The following GLT8D2 variants were observed in gnomAD, a reference collection of about 807,000 sequenced individuals.
GLT8D2 encodes glycosyltransferase 8 domain containing 2.
In GLT8D2, 45 loss-of-function variants were observed where a neutral mutation model predicts 44.5. That is an observed-to-expected ratio of 1.01 (90% CI 0.80 to 1.30). The LOEUF (loss-of-function observed/expected upper bound fraction) is 1.30. Among genes scored for constraint, GLT8D2 ranks in the 50% most tolerant of loss-of-function variants. The probability of loss-of-function intolerance (pLI) is 0.00; values close to 1 mark genes in which losing one functional copy is unlikely to be tolerated. For synonymous variants in GLT8D2, 156 were observed against 157.2 expected, an observed-to-expected ratio of 0.99 and a Z score of 0.06; for missense variants, 400 against 430.4, an observed-to-expected ratio of 0.93 and a Z score of 0.62.
chr12:104,025,067 CAAAAAAAA>C (rs34885430), intron 1 of GLT8D2, among the ~76,000 whole-genome samples: 7 of 67,204 alleles, frequency 1.0e-4, no homozygotes, highest in Admixed American at 3.2e-4. Context: ...GAGACTTTGT[CAAAAAAAA>C]AAAAAAAAAA....
intron 1 of GLT8D2, among the ~76,000 whole-genome samples, chr12:104,057,868 A>G (rs1385765282): frequency 6.6e-6 from 1 of 151,782 alleles, no homozygotes; most frequent in Non-Finnish European, 1.5e-5. Flanking sequence ...TCAGCACTAG[A>G]TGGTGCTGAA....
rs556930573 is a variant in GLT8D2 at position 103,996,678 on chromosome 12, G to A, written c.600+57C>T. Reference sequence around the variant, plus strand: ...CACTCATTTTGACTTGCAGAGGGGGGAGAAGGGGCCAGAGTTGTAGAGTGA... The same window carrying A: ...CACTCATTTTGACTTGCAGAGGGGGAAGAAGGGGCCAGAGTTGTAGAGTGA... On this transcript the variant is annotated intron_variant, in intron 8 of 10. Coordinates refer to ENST00000360814, the MANE Select transcript of GLT8D2 (RefSeq NM_001384711.1). The A allele has an allele frequency of 5.8e-5, 72 of 1,231,966 alleles. No individual in the cohort carries two copies. In the East Asian group the frequency reaches 6.5e-4, roughly 11 times the overall value. 76.3% of individuals were successfully genotyped at this position (1,231,966 alleles called of 1,614,324 possible).
At chr12:104,059,925 T>C (rs1593581389) in intron 1 of GLT8D2, among the ~76,000 whole-genome samples, 1 of 152,232 alleles carries the variant, frequency 6.6e-6, no homozygotes, top group East Asian at 1.9e-4. Flanking sequence ...TTTCCTTACA[T>C]GGCCAAGTCT....
chr12:104,055,751 A>T (rs1330485132), intron 1 of GLT8D2, among the ~76,000 whole-genome samples: 1 of 152,256 alleles, frequency 6.6e-6, no homozygotes, highest in Non-Finnish European at 1.5e-5. Context: ...GATAAAATCT[A>T]TTAAAGCTGA....
chr12:103,997,327 C>T (rs1237509485), intron 7 of GLT8D2, 124 bp downstream of exon 7: 1 of 754,134 alleles, frequency 1.3e-6, no homozygotes, highest in Non-Finnish European at 2.3e-6. Flanking sequence ...CAATACTGTA[C>T]TCACAACTTA....
chr12:104,002,972 CAGAG>C (rs879833080), intron 5 of GLT8D2, among the ~76,000 whole-genome samples, 159 bp downstream of exon 5: 58 of 138,254 alleles, frequency 4.2e-4, no homozygotes, highest in Middle Eastern at 4.0e-3. Flanking sequence ...GAGAGAAAGA[CAGAG>C]AGAGAGAGAG....
Position 103,989,506 on chromosome 12 carries a change from GT to G in GLT8D2, c.951del (p.Arg317SerfsTer56). On this transcript the variant is annotated frameshift_variant, in exon 11 of 11. Transcript: ENST00000360814. LOFTEE classifies it high-confidence loss of function. The part of the protein sequence containing the change: ...QEAKLLHWNG[R>X]HKPWDFPSVH... ...ACACTAGGGAAGTCCCAAGGTTTAT[GT>G]CTTCCATTCCAGTGGAGTAATTTAG... 6.2e-7 allele frequency: 1 copy of G among 1,613,676 alleles called. No individual in the cohort carries two copies. Among genetic ancestry groups the G allele is most frequent in the Non-Finnish European group, 8.5e-7 (1 of 1,179,690 alleles).
chr12:104,063,081 C>T lies in GLT8D2; in HGVS notation c.-423+868G>A, dbSNP rs536352394. Among the ~76,000 whole-genome samples the T allele has an allele frequency of 2.6e-5, 4 of 152,284 alleles. No individual in the cohort carries two copies. In the South Asian group the frequency reaches 8.3e-4, roughly 32 times the overall value. On this transcript the variant is annotated intron_variant, in intron 1 of 10. Coordinates refer to the GLT8D2 transcript ENST00000548660. ...TCATGCCAAAACCATAGCCCCCATCCCCTTGCCAAGTCCATACCACCCACT... is the reference window on the plus strand; with the variant it reads ...TCATGCCAAAACCATAGCCCCCATCTCCTTGCCAAGTCCATACCACCCACT...
At chr12:104,041,508 G>T (rs752000999) in intron 1 of GLT8D2, among the ~76,000 whole-genome samples, 1 of 151,748 alleles carries the variant, frequency 6.6e-6, no homozygotes, top group Non-Finnish European at 1.5e-5. Flanking sequence ...CCAGGGAGGC[G>T]GAGGTTGCAG....
At chr12:104,029,680 T>C (rs1879015657) in intron 1 of GLT8D2, 1 of 152,220 alleles carries the variant, frequency 6.6e-6, no homozygotes, top group Non-Finnish European at 1.5e-5. Context: ...TACATTTACA[T>C]GCATTAAGTA....
At chr12:104,028,468 T>C (rs1345302923) in intron 1 of GLT8D2, among the ~76,000 whole-genome samples, 2 of 152,190 alleles carry the variant, frequency 1.3e-5, no homozygotes, top group East Asian at 3.8e-4. Context: ...TAAAGTCAAG[T>C]GGAAAATCAT....
intron 2 of GLT8D2, among the ~76,000 whole-genome samples, 196 bp downstream of exon 2, chr12:104,021,161 C>T (rs1877564820): frequency 6.6e-6 from 1 of 152,222 alleles, no homozygotes; most frequent in South Asian, 2.1e-4. Flanking sequence ...ACTCCTTTAA[C>T]TGCTGGCAGA....
chr12:103,996,830 A>G lies in GLT8D2; in HGVS notation c.505T>C (p.Tyr169His). The change falls in exon 8 of 11, where the codon TAT (tyrosine) becomes CAT (histidine). Residue 169 changes from tyrosine (Y) to histidine (H), a missense_variant. Transcript: ENST00000360814. Reference sequence around the variant, plus strand: ...TGGCCCAGGGCCAAGGTGGTGTCATACAGTTCTTGGATATCACCTGAATTT... The same window carrying G: ...TGGCCCAGGGCCAAGGTGGTGTCATGCAGTTCTTGGATATCACCTGAATTT... ...VIVQGDIQEL[Y>H]DTTLALGHAA... is the part of the protein sequence containing the mutation. 2 of 1,613,212 alleles carry G rather than the reference A, an allele frequency of 1.2e-6. No homozygotes were observed. The highest frequency in any genetic ancestry group is 1.7e-6 in the Non-Finnish European group (2 of 1,179,486).
chr12:103,994,214 GT>G, intron 9 of GLT8D2, 120 bp downstream of exon 9: 2 of 882,878 alleles, frequency 2.3e-6, no homozygotes, highest in Non-Finnish European at 3.3e-6. Context: ...CATTGCCTCT[GT>G]AAGAAAATCT....
At chr12:104,012,187 A>T (rs796089876) in intron 4 of GLT8D2, among the ~76,000 whole-genome samples, 3,487 of 82,286 alleles carry the variant, frequency 0.042, 35 homozygotes, top group Non-Finnish European at 0.056. Flanking sequence ...AAAAAAAAAA[A>T]AAATATATAT....
intron 3 of GLT8D2, among the ~76,000 whole-genome samples, chr12:104,015,389 A>AAACACACACACAC (rs1876420104): frequency 1.3e-5 from 1 of 79,022 alleles, no homozygotes; most frequent in African/African-American, 4.5e-5. Flanking sequence ...TCTCAACAAC[A>AAACACACACACAC]ACAAACACAC....
intron 1 of GLT8D2, among the ~76,000 whole-genome samples, chr12:104,062,959 A>AG (rs1487303574): frequency 6.6e-6 from 1 of 152,090 alleles, no homozygotes; most frequent in East Asian, 1.9e-4. Flanking sequence ...AGATTCTCAT[A>AG]GGAGCTCGAA....
intron 1 of GLT8D2, among the ~76,000 whole-genome samples, chr12:104,060,726 C>T (rs1339068743): frequency 6.6e-6 from 1 of 152,016 alleles, no homozygotes; most frequent in African/African-American, 2.4e-5. Context: ...AGTTCAAGAC[C>T]AGCATGGGAA....
intron 10 of GLT8D2, among the ~76,000 whole-genome samples, chr12:103,991,886 T>C (rs1402623544): frequency 2.0e-5 from 3 of 150,868 alleles, no homozygotes; most frequent in South Asian, 2.1e-4. Context: ...TTGTGAGAAT[T>C]AGAAATAATA....
Sources: allele counts gnomAD v4.1 joint callset (sites outside exome capture counted in the v4.1 genomes callset), GRCh38; gene constraint gnomAD v4.1.1; transcripts MANE v1.5; gene names NCBI Gene and HGNC (gene_info 2026-07-23, HGNC 2026-07-21).